Variants in ATP9B observed in about 807,000 individuals in gnomAD.
ATP9B encodes the protein ATPase phospholipid transporting 9B, also known as probable phospholipid-transporting ATPase IIB.
ATP9B carries 110 observed loss-of-function variants against 146.1 expected under a neutral mutation model. The observed-to-expected ratio is 0.75, with a 90% CI of 0.65 to 0.88. ATP9B has a LOEUF of 0.88. ATP9B is among the 40% of genes least tolerant of loss of function. ATP9B has a pLI of 0.00. For synonymous variants in ATP9B, 604 were observed against 569.7 expected (o/e 1.06, Z -0.86); for missense variants, 1,499 against 1,496.4 (o/e 1.00, Z -0.03).
At chr18:79,331,936 G>A (rs189299101) in intron 17 of ATP9B, among the ~76,000 whole-genome samples, 9 of 152,252 alleles carry the variant, frequency 5.9e-5, no homozygotes, top group Admixed American at 3.9e-4. Context: ...TGAACAACAC[G>A]AGGGCCAGGG....
At chr18:79,127,579 A>G (rs2094308091) in intron 5 of ATP9B, among the ~76,000 whole-genome samples, 1 of 152,130 alleles carries the variant, frequency 6.6e-6, no homozygotes, top group Non-Finnish European at 1.5e-5. Flanking sequence ...CCAGTGTATG[A>G]TAGAGCACAT....
In ATP9B at chr18:79,345,606, T is replaced by A. The variant is rs1206920699; in HGVS notation, c.2617+34T>A. ...CGCCCACCCTGCTCACAGGGAGGTCTCCAGAGAAACCCGTAGGCTGACATT... is the reference window on the plus strand; with the variant it reads ...CGCCCACCCTGCTCACAGGGAGGTCACCAGAGAAACCCGTAGGCTGACATT... On this transcript the variant is annotated intron_variant, in intron 22 of 29. Transcript: ENST00000426216. The A allele has an allele frequency of 7.5e-6, 12 of 1,600,782 alleles. No individual in the cohort carries two copies. The Admixed American group carries it at 1.3e-4, about 18-fold the overall frequency.
In ATP9B at chr18:79,374,043, C is replaced by T. The variant is rs754909371; in HGVS notation, c.3216C>T (p.Ala1072=). 1.7e-5 allele frequency: 28 copies of T among 1,614,162 alleles called. No individual in the cohort carries two copies. Among genetic ancestry groups the T allele is most frequent in the Middle Eastern group, 1.7e-4 (1 of 6,060 alleles). Residue 1072 remains alanine, a synonymous_variant, in exon 28 of 30, where the codon GCC becomes GCT. Transcript: ENST00000426216. ...CGTGGCACTGGCTGATGGTGGTGGC[C>T]GAGTTCCTCAGCTTAGGCTGCTACG... The part of the protein sequence containing the change: ...VRTWHWLMVV[A]EFLSLGCYVS...
intron 28 of ATP9B, among the ~76,000 whole-genome samples, chr18:79,375,078 C>T (rs1180493254): frequency 1.3e-5 from 2 of 152,232 alleles, no homozygotes; most frequent in Non-Finnish European, 2.9e-5. Flanking sequence ...ACCTGCAGAA[C>T]ATGGCCAGCC....
At chr18:79,182,423 C>G (rs2095261837) in intron 8 of ATP9B, among the ~76,000 whole-genome samples, 1 of 152,218 alleles carries the variant, frequency 6.6e-6, no homozygotes, top group Non-Finnish European at 1.5e-5. Flanking sequence ...TTTGCAAATG[C>G]TAGCTGTCAG....
At chr18:79,197,785 T>A (rs1019404346) in intron 9 of ATP9B, among the ~76,000 whole-genome samples, 2 of 152,146 alleles carry the variant, frequency 1.3e-5, no homozygotes, top group African/African-American at 4.8e-5. Context: ...GATGGTTGAC[T>A]CAGTAATTAA....
Position 79,276,952 on chromosome 18 carries a change from G to A in ATP9B, c.1269-102G>A, listed in dbSNP as rs151262401. 415 of 1,521,890 alleles carry A rather than the reference G, an allele frequency of 2.7e-4. No individual in the cohort carries two copies. In the African/African-American group the frequency reaches 3.8e-3, roughly 14 times the overall value. The allele number at this position is 1,521,890 out of a possible 1,614,324, so 94.3% of individuals were successfully genotyped here. A position where few individuals can be genotyped will look rare whatever the true frequency, so the allele number is the denominator to read the frequency against. Reference sequence around the variant, plus strand: ...GGGTATGAACTTGGACATGGGTCTGGATCACACTAACCACTGCAGTGGGTT... The same window carrying A: ...GGGTATGAACTTGGACATGGGTCTGAATCACACTAACCACTGCAGTGGGTT... On this transcript the variant is annotated intron_variant, in intron 12 of 29. Transcript: ENST00000426216.
At chr18:79,256,284 T>TAC (rs1555791834) in intron 12 of ATP9B, among the ~76,000 whole-genome samples, 89 of 122,892 alleles carry the variant, frequency 7.2e-4, no homozygotes, top group African/African-American at 2.2e-3. Context: ...TATATATATA[T>TAC]ATACATACAT....
At position 79,297,297 on chromosome 18, in the gene ATP9B, C is replaced by A. The variant is rs952910409; in HGVS notation, c.1412-6307C>A. Among the ~76,000 whole-genome samples, 5 of 145,674 alleles carry A rather than the reference C, an allele frequency of 3.4e-5. No homozygotes were observed. In the South Asian group the frequency reaches 6.9e-4, roughly 20 times the overall value. Reference sequence around the variant, plus strand: ...AGATGACCCAGAGAGGAGACACAGACGACCCAGAGAGGAGAAAGAGAGATG... The same window carrying A: ...AGATGACCCAGAGAGGAGACACAGAAGACCCAGAGAGGAGAAAGAGAGATG... On this transcript the variant is annotated intron_variant, in intron 13 of 29. Coordinates refer to ENST00000426216, the MANE Select transcript of ATP9B (RefSeq NM_198531.5).
chr18:79,137,458 G>A (rs12604834), intron 5 of ATP9B, among the ~76,000 whole-genome samples: 37,969 of 152,008 alleles, frequency 0.25, 5,073 homozygotes, highest in East Asian at 0.5. Context: ...TTGCTTTGTT[G>A]CATCATTGGA....
At chr18:79,326,811 C>G (rs2096749813) in intron 15 of ATP9B, among the ~76,000 whole-genome samples, 1 of 152,322 alleles carries the variant, frequency 6.6e-6, no homozygotes, top group South Asian at 2.1e-4. Context: ...GTCTGGAGGG[C>G]TCCTGTGAGA....
chr18:79,086,228 T>A (rs2146592948), intron 1 of ATP9B: 1 of 152,138 alleles, frequency 6.6e-6, no homozygotes, highest in South Asian at 2.1e-4. Context: ...TCACCTGAGG[T>A]CAGGAGTTTG....
At chr18:79,101,331 C>G (rs532402058) in intron 2 of ATP9B, among the ~76,000 whole-genome samples, 1 of 151,836 alleles carries the variant, frequency 6.6e-6, no homozygotes, top group Non-Finnish European at 1.5e-5. Context: ...AAAAATTGTT[C>G]TATTTTTTTT....
intron 11 of ATP9B, among the ~76,000 whole-genome samples, chr18:79,249,954 A>G (rs1457651159): frequency 6.6e-6 from 1 of 152,260 alleles, no homozygotes; most frequent in Non-Finnish European, 1.5e-5. Flanking sequence ...CCTGCAAGGC[A>G]CAGCCCATCC....
intron 6 of ATP9B, among the ~76,000 whole-genome samples, chr18:79,151,795 C>T (rs1481337288): frequency 6.7e-6 from 1 of 149,940 alleles, no homozygotes; most frequent in Non-Finnish European, 1.5e-5. Context: ...CATAGGTATA[C>T]ACATGCCATG....
chr18:79,254,449 C>T (rs2145115986), intron 12 of ATP9B: 1 of 152,488 alleles, frequency 6.6e-6, no homozygotes, highest in Non-Finnish European at 1.5e-5. Flanking sequence ...CAGTTGCTCT[C>T]ACCCAGTCTG....
chr18:79,104,134 C>T (rs2075492129), intron 2 of ATP9B, among the ~76,000 whole-genome samples: 1 of 152,174 alleles, frequency 6.6e-6, no homozygotes, highest in South Asian at 2.1e-4. Flanking sequence ...GAAGAAGACC[C>T]TGATTTGCTG....
At chr18:79,093,902 C>T (rs2074558441) in intron 1 of ATP9B, among the ~76,000 whole-genome samples, 2 of 152,244 alleles carry the variant, frequency 1.3e-5, no homozygotes, top group Admixed American at 1.3e-4. Context: ...TTTCATACTG[C>T]AATTAGCATT....
At chr18:79,342,128 G>A (rs190283747) in intron 19 of ATP9B, 140 bp from the exon 20 acceptor site, 100 of 649,996 alleles carry the variant, frequency 1.5e-4, no homozygotes, top group Non-Finnish European at 2.0e-5. Flanking sequence ...TGTATGTATG[G>A]AACACATTTT....
Sources: allele counts gnomAD v4.1 joint callset (sites outside exome capture counted in the v4.1 genomes callset), GRCh38; gene constraint gnomAD v4.1.1; transcripts MANE v1.5; gene names NCBI Gene and HGNC (gene_info 2026-07-23, HGNC 2026-07-21).